Variants in ST18 observed in about 807,000 individuals in gnomAD.
The protein encoded by ST18 is ST18 C2H2C-type zinc finger transcription factor.
Under a neutral mutation model 110.0 loss-of-function variants are expected in ST18, and 50 were observed. The ratio of observed to expected loss-of-function variants is 0.45; its 90% CI spans 0.36 to 0.58. ST18 has a LOEUF of 0.58. Ranked by LOEUF, ST18 falls within the 20% of genes least tolerant of loss-of-function variation. The probability of loss-of-function intolerance (pLI) is 0.00; values close to 1 mark genes in which losing one functional copy is unlikely to be tolerated. For synonymous variants in ST18, 461 were observed against 452.4 expected (o/e 1.02, Z -0.24); for missense variants, 1,306 against 1,280.1 (o/e 1.02, Z -0.31).
intron 2 of ST18, among the ~76,000 whole-genome samples, chr8:52,333,751 A>G (rs1204045842): frequency 6.6e-6 from 1 of 152,252 alleles, no homozygotes; most frequent in East Asian, 1.9e-4. Flanking sequence ...TGTGTACAAT[A>G]TGTGAATCTT....
At chr8:52,250,600 C>T (rs2094230568) in intron 2 of ST18, among the ~76,000 whole-genome samples, 1 of 151,120 alleles carries the variant, frequency 6.6e-6, no homozygotes, top group Non-Finnish European at 1.5e-5. Context: ...ACAAACCCAC[C>T]ACAGTGAGCT....
At chr8:52,143,119 T>C in intron 16 of ST18, 74 bp from the exon 17 acceptor site, 1 of 934,204 alleles carries the variant, frequency 1.1e-6, no homozygotes, top group Non-Finnish European at 1.7e-6. Context: ...AGATTTAAAA[T>C]CATTGAAGCC....
At chr8:52,197,352 T>C (rs1272156416) in intron 8 of ST18, among the ~76,000 whole-genome samples, 1 of 152,206 alleles carries the variant, frequency 6.6e-6, no homozygotes, top group Non-Finnish European at 1.5e-5. Flanking sequence ...ATCCATCAAA[T>C]ACTAAGTTCC....
chr8:52,367,238 A>T (rs982484664), intron 2 of ST18, among the ~76,000 whole-genome samples: 3 of 146,318 alleles, frequency 2.1e-5, no homozygotes, highest in African/African-American at 7.8e-5. Context: ...ACCCTGTCTC[A>T]CACACACACA....
rs1276746844 is a variant in ST18 at position 52,112,638 on chromosome 8, T to C, written c.*560A>G. On this transcript the variant is annotated 3_prime_UTR_variant, in exon 26 of 26. Coordinates refer to ENST00000689386, the MANE Select transcript of ST18 (RefSeq NM_001352837.2). Reference sequence around the variant, plus strand: ...ACCTTACCGCAAATTCATTTATAAATACAAAAATCAGTGAAAGGTGGGGGA... The same window carrying C: ...ACCTTACCGCAAATTCATTTATAAACACAAAAATCAGTGAAAGGTGGGGGA... The C allele has an allele frequency of 6.6e-6, 1 of 152,570 alleles. No homozygotes were observed. Among genetic ancestry groups the C allele is most frequent in the Non-Finnish European group, 1.5e-5 (1 of 68,034 alleles). 9.5% of individuals were successfully genotyped at this position (152,570 alleles called of 1,614,324 possible).
rs1278018403 is a variant in ST18, at chr8:52,208,319, A to C, written c.86+3760T>G. 2.0e-5 allele frequency among the ~76,000 whole-genome samples: 3 copies of C among 152,238 alleles called. No homozygotes were observed. In the East Asian group the frequency reaches 5.8e-4, roughly 29 times the overall value. On this transcript the variant is annotated intron_variant, in intron 8 of 25. Coordinates refer to ENST00000689386, the MANE Select transcript of ST18 (RefSeq NM_001352837.2). ...CCATAACTTTTACACTGGGGAAAAC[A>C]TGCCACATTTCCTAAGATACTCAGA...
At chr8:52,158,233 GA>G (rs1339063961) in intron 15 of ST18, among the ~76,000 whole-genome samples, 3 of 152,146 alleles carry the variant, frequency 2.0e-5, no homozygotes, top group African/African-American at 7.2e-5. Flanking sequence ...GAGGGTATTG[GA>G]GAAATGTGAT....
At chr8:52,157,567 A>C (rs2060345017) in intron 15 of ST18, among the ~76,000 whole-genome samples, 2 of 152,180 alleles carry the variant, frequency 1.3e-5, no homozygotes, top group Admixed American at 6.5e-5. Flanking sequence ...TCCCTAAATC[A>C]CCTATGTAAA....
intron 2 of ST18, among the ~76,000 whole-genome samples, chr8:52,298,762 T>C (rs2095671218): frequency 2.0e-5 from 3 of 152,220 alleles, no homozygotes; most frequent in African/African-American, 7.2e-5. Context: ...ACATACTATT[T>C]CTACCTGAAA....
intron 24 of ST18, 122 bp from the exon 25 acceptor site, chr8:52,116,540 G>A (rs2042613468): frequency 2.1e-6 from 2 of 955,350 alleles, no homozygotes; most frequent in Non-Finnish European, 3.1e-6. Flanking sequence ...ATGCATGCGT[G>A]TAACTTCTCA....
At chr8:52,370,927 T>C (rs185810293) in intron 2 of ST18, among the ~76,000 whole-genome samples, 3 of 152,326 alleles carry the variant, frequency 2.0e-5, no homozygotes, top group East Asian at 3.9e-4. Context: ...TTTCTATGTT[T>C]TAATTTACAA....
intron 2 of ST18, among the ~76,000 whole-genome samples, chr8:52,256,651 C>T (rs1332098813): frequency 1.3e-5 from 2 of 152,142 alleles, no homozygotes; most frequent in African/African-American, 4.8e-5. Flanking sequence ...AATGTGGTTG[C>T]CACAGATACA....
intron 2 of ST18, among the ~76,000 whole-genome samples, chr8:52,330,242 C>G (rs763792218): frequency 6.6e-6 from 1 of 152,038 alleles, no homozygotes; most frequent in Non-Finnish European, 1.5e-5. Flanking sequence ...ACAATTTTGC[C>G]AGTTTAATGA....
At chr8:52,121,753 G>A (rs1241408193) in intron 23 of ST18, among the ~76,000 whole-genome samples, 1 of 152,158 alleles carries the variant, frequency 6.6e-6, no homozygotes, top group Non-Finnish European at 1.5e-5. Flanking sequence ...TAAAAGGTGT[G>A]CCCTGATGTT....
At chr8:52,210,746 C>T (rs947022615) in intron 8 of ST18, among the ~76,000 whole-genome samples, 1 of 151,828 alleles carries the variant, frequency 6.6e-6, no homozygotes, top group Non-Finnish European at 1.5e-5. Flanking sequence ...CAGGTAGGGC[C>T]ATGGATTCCC....
chr8:52,400,743 G>C (rs997925509), intron 2 of ST18, among the ~76,000 whole-genome samples: 1 of 151,990 alleles, frequency 6.6e-6, no homozygotes, highest in Non-Finnish European at 1.5e-5. Flanking sequence ...TGTTTTTGTT[G>C]TCACAATTTA....
intron 25 of ST18, among the ~76,000 whole-genome samples, chr8:52,114,962 G>C (rs557086675): frequency 6.6e-6 from 1 of 152,240 alleles, no homozygotes; most frequent in South Asian, 2.1e-4. Context: ...AAAATACTAA[G>C]GAATGCATAT....
chr8:52,341,956 G>A (rs1815244464), intron 2 of ST18, among the ~76,000 whole-genome samples: 1 of 152,170 alleles, frequency 6.6e-6, no homozygotes, highest in African/African-American at 2.4e-5. Flanking sequence ...GAGGGATTGG[G>A]GAGATGCTGG....
intron 23 of ST18, 24 bp downstream of exon 23, chr8:52,126,028 T>A (rs373704184): frequency 8.1e-6 from 13 of 1,607,998 alleles, no homozygotes; most frequent in Admixed American, 6.7e-5. Flanking sequence ...CAGGAGGTGG[T>A]GACAGCCAGC....
Sources: allele counts gnomAD v4.1 joint callset (sites outside exome capture counted in the v4.1 genomes callset), GRCh38; gene constraint gnomAD v4.1.1; transcripts MANE v1.5; gene names NCBI Gene and HGNC (gene_info 2026-07-23, HGNC 2026-07-21).